The following FSTL1 variants were observed in gnomAD, a reference collection of about 807,000 sequenced individuals.
The protein encoded by FSTL1 is follistatin like 1.
Under a neutral mutation model 45.9 loss-of-function variants are expected in FSTL1, and 24 were observed. The ratio of observed to expected loss-of-function variants is 0.52; its 90% CI spans 0.38 to 0.74. The LOEUF is 0.74. Ranked by LOEUF, FSTL1 falls within the 30% of genes least tolerant of loss-of-function variation. The probability of loss-of-function intolerance (pLI) is 0.00; values close to 1 mark genes in which losing one functional copy is unlikely to be tolerated. For synonymous variants in FSTL1, 120 were observed against 137.6 expected (o/e 0.87, Z 0.89); for missense variants, 340 against 381.8 (o/e 0.89, Z 0.91).
intron 1 of FSTL1, 61 bp downstream of exon 1, chr3:120,450,836 C>CGAATGTTTTAATGGGAAT: frequency 1.1e-6 from 1 of 907,848 alleles, no homozygotes. Flanking sequence ...TCGCTCCGGC[C>CGAATGTTTTAATGGGAAT]GCCCAAGCAC....
chr3:120,428,650 C>G (rs1238770339), intron 2 of FSTL1, among the ~76,000 whole-genome samples: 1 of 152,158 alleles, frequency 6.6e-6, no homozygotes, highest in African/African-American at 2.4e-5. Flanking sequence ...ACGAGAATCG[C>G]TTGAACCTGG....
chr3:120,447,241 G>C (rs985520068), intron 2 of FSTL1, among the ~76,000 whole-genome samples: 4 of 152,190 alleles, frequency 2.6e-5, no homozygotes, highest in Admixed American at 1.3e-4. Flanking sequence ...ATGAACTGTA[G>C]TAATTCCCAA....
chr3:120,410,312 C>A, intron 5 of FSTL1: 1 of 171,830 alleles, frequency 5.8e-6, no homozygotes, highest in Non-Finnish European at 1.3e-5. Flanking sequence ...TGGAAGACAA[C>A]ACATGCTGTG....
chr3:120,450,636 C>T (rs1454254540), intron 2 of FSTL1, 48 bp downstream of exon 2: 2 of 1,372,294 alleles, frequency 1.5e-6, no homozygotes, highest in Non-Finnish European at 2.0e-6. Flanking sequence ...GCGCGCAGAC[C>T]CAAGAGGCCC....
rs1937179614 is a variant in FSTL1, at chr3:120,415,927, A to G, written c.164T>C (p.Ile55Thr). The G allele has an allele frequency of 6.9e-6, 11 of 1,603,532 alleles. No individual in the cohort carries two copies. The highest frequency in any genetic ancestry group is 1.3e-5 in the African/African-American group (1 of 74,832). The part of the protein sequence containing the change: ...TEKGEPTCLC[I>T]EQCKPHKRPV... Reference sequence around the variant, plus strand: ...GCTCCCGACATCAGGACTTACCTCAATGCAGAGACAGGTGGGTTCCCCTTT... The same window carrying G: ...GCTCCCGACATCAGGACTTACCTCAGTGCAGAGACAGGTGGGTTCCCCTTT... Residue 55 changes from isoleucine (I) to threonine (T), a missense_variant, in exon 3 of 11, where the codon ATT becomes ACT. Physicochemically the swap from Ile to Thr is moderately conservative, Grantham distance 89 (BLOSUM62 -1). Transcript: ENST00000295633.
chr3:120,402,120 A>G (rs1936838803), intron 9 of FSTL1, among the ~76,000 whole-genome samples: 1 of 152,058 alleles, frequency 6.6e-6, no homozygotes, highest in Non-Finnish European at 1.5e-5. Flanking sequence ...CTGCCCCACA[A>G]ACTCTCAGAT....
At chr3:120,439,147 C>T (rs1364763314) in intron 2 of FSTL1, among the ~76,000 whole-genome samples, 2 of 152,132 alleles carry the variant, frequency 1.3e-5, no homozygotes, top group East Asian at 1.9e-4. Flanking sequence ...AGAGCAAGGC[C>T]GGAAAGCCTG....
At chr3:120,403,948 AAACAAAACAAAAC>A (rs1936889300) in intron 7 of FSTL1, among the ~76,000 whole-genome samples, 1 of 103,886 alleles carries the variant, frequency 9.6e-6, no homozygotes, top group African/African-American at 3.9e-5. Flanking sequence ...AAAAAAACAA[AAACAAAACAAAAC>A]AAAAACAAAA....
chr3:120,406,478 C>A (rs1020497044), intron 6 of FSTL1, among the ~76,000 whole-genome samples: 1 of 152,194 alleles, frequency 6.6e-6, no homozygotes, highest in African/African-American at 2.4e-5. Context: ...GCACCATGAA[C>A]CTGGCAACCA....
chr3:120,441,635 C>T (rs147954601), intron 2 of FSTL1, among the ~76,000 whole-genome samples: 231 of 152,310 alleles, frequency 1.5e-3, no homozygotes, highest in African/African-American at 5.3e-3. Context: ...TATACACGTG[C>T]GTGAATGTGT....
At chr3:120,417,659 T>G (rs975292252) in intron 2 of FSTL1, among the ~76,000 whole-genome samples, 1 of 152,182 alleles carries the variant, frequency 6.6e-6, no homozygotes, top group African/African-American at 2.4e-5. Context: ...TTGTGGAAAC[T>G]GTGCCTGACA....
At chr3:120,430,627 A>G (rs903856774) in intron 2 of FSTL1, among the ~76,000 whole-genome samples, 3 of 152,242 alleles carry the variant, frequency 2.0e-5, no homozygotes, top group African/African-American at 7.2e-5. Flanking sequence ...TGAAAAGAAA[A>G]GCAACAATCC....
intron 6 of FSTL1, among the ~76,000 whole-genome samples, chr3:120,406,294 T>TG (rs1936947172): frequency 1.3e-5 from 2 of 152,210 alleles, no homozygotes; most frequent in African/African-American, 4.8e-5. Flanking sequence ...TAAGTTTGGC[T>TG]GGGGGCCATT....
chr3:120,392,522 C>T lies in FSTL1; in HGVS notation c.*4430G>A, dbSNP rs1936613566. 1 of 152,106 alleles carries T rather than the reference C, an allele frequency of 6.6e-6. No homozygotes were observed. The highest frequency in any genetic ancestry group is 2.1e-4 in the South Asian group (1 of 4,826). 9.4% of individuals were successfully genotyped at this position (152,106 alleles called of 1,614,324 possible). ...TAGGCAAATTTATAAATGTACACAC[C>T]CTCTTAAGAGGATGGTTTTATTCAC... On this transcript the variant is annotated 3_prime_UTR_variant, in exon 11 of 11. Transcript: ENST00000295633.
chr3:120,450,798 C>G (rs1427122547), intron 1 of FSTL1, 52 bp from the exon 2 acceptor site: 5 of 1,351,752 alleles, frequency 3.7e-6, no homozygotes, highest in East Asian at 2.9e-5. Context: ...CCGCGCTGAC[C>G]TGGGAAACTT....
intron 6 of FSTL1, among the ~76,000 whole-genome samples, chr3:120,406,228 C>T (rs146006379): frequency 1.3e-3 from 200 of 152,182 alleles, no homozygotes; most frequent in African/African-American, 4.6e-3. Context: ...TTTTCCCTGA[C>T]GAAACTTCCC....
chr3:120,425,835 T>C (rs143786801), intron 2 of FSTL1, among the ~76,000 whole-genome samples: 317 of 152,316 alleles, frequency 2.1e-3, no homozygotes, highest in African/African-American at 7.2e-3. Flanking sequence ...TCCCAGATCA[T>C]GGCAGAGGGA....
chr3:120,447,051 T>G (rs367841627), intron 2 of FSTL1, among the ~76,000 whole-genome samples: 6 of 152,116 alleles, frequency 3.9e-5, no homozygotes, highest in African/African-American at 1.4e-4. Flanking sequence ...GGGGGTATGC[T>G]TGGGTACTTG....
intron 2 of FSTL1, 82 bp from the exon 3 acceptor site, chr3:120,416,109 G>A: frequency 9.5e-7 from 1 of 1,053,392 alleles, no homozygotes; most frequent in South Asian, 1.3e-5. Context: ...TTATCTTTCA[G>A]GCTTGGGCTT....
Sources: allele counts gnomAD v4.1 joint callset (sites outside exome capture counted in the v4.1 genomes callset), GRCh38; gene constraint gnomAD v4.1.1; transcripts MANE v1.5; gene names NCBI Gene and HGNC (gene_info 2026-07-23, HGNC 2026-07-21).